The following ADAMTSL3 variants were observed in gnomAD, a reference collection of about 807,000 sequenced individuals.
ADAMTSL3 encodes ADAMTS like 3, also known as ADAMTS-like protein 3.
ADAMTSL3 carries 128 observed loss-of-function variants against 201.7 expected under a neutral mutation model. The ratio of observed to expected loss-of-function variants is 0.63; its 90% confidence interval spans 0.55 to 0.73. The LOEUF is 0.73. ADAMTSL3 is among the 30% of genes least tolerant of loss of function. ADAMTSL3 has a pLI of 0.00. For synonymous variants in ADAMTSL3, 738 were observed against 748.4 expected, an observed-to-expected ratio of 0.99 and a Z score of 0.23; for missense variants, 1,990 against 2,119.6, an observed-to-expected ratio of 0.94 and a Z score of 1.20.
At position 83,892,809 on chromosome 15, in the gene ADAMTSL3, T is replaced by C. The variant is rs1447305581; in HGVS notation, c.1388T>C (p.Met463Thr). ...TTGCAGGTGGAAGAATGGAAGTGCA[T>C]GTACGCACCCAAACCCAAGGTTATG... ...EILQVEEWKC[M>T]YAPKPKVMQT... Residue 463 changes from methionine to threonine, a missense_variant, in exon 13 of 30, where the codon ATG (methionine) becomes ACG (threonine). Met to Thr is a moderately conservative substitution (Grantham distance 81, BLOSUM62 -1). Transcript: ENST00000286744. 2.5e-6 allele frequency: 4 copies of C among 1,614,018 alleles called. No individual in the cohort carries two copies. Among genetic ancestry groups the C allele is most frequent in the African/African-American group, 1.3e-5 (1 of 74,926 alleles).
At chr15:83,723,922 GTTAA>G (rs1040743379) in intron 3 of ADAMTSL3, among the ~76,000 whole-genome samples, 14 of 152,036 alleles carry the variant, frequency 9.2e-5, no homozygotes, top group Non-Finnish European at 1.8e-4. Context: ...ATTAACAGTA[GTTAA>G]TTAACAATTA....
intron 3 of ADAMTSL3, among the ~76,000 whole-genome samples, chr15:83,728,167 G>C (rs574828894): frequency 2.0e-5 from 3 of 151,374 alleles, no homozygotes; most frequent in African/African-American, 7.3e-5. Context: ...TTTTGTTTAC[G>C]TACAGCTACC....
chr15:83,849,914 A>G (rs2064575117), intron 7 of ADAMTSL3, among the ~76,000 whole-genome samples: 2 of 152,244 alleles, frequency 1.3e-5, no homozygotes, highest in African/African-American at 4.8e-5. Context: ...TGAAATCAGT[A>G]AAACTTCTGA....
chr15:83,818,915 G>A (rs1030734763), intron 5 of ADAMTSL3, among the ~76,000 whole-genome samples: 2 of 152,168 alleles, frequency 1.3e-5, no homozygotes, highest in Non-Finnish European at 2.9e-5. Flanking sequence ...CCAGTTGAAG[G>A]CAGGTACTTG....
At chr15:83,868,164 A>G (rs1198015202) in intron 8 of ADAMTSL3, among the ~76,000 whole-genome samples, 1 of 152,056 alleles carries the variant, frequency 6.6e-6, no homozygotes, top group African/African-American at 2.4e-5. Flanking sequence ...TCGCCTACAC[A>G]CTAACCACCT....
chr15:83,908,489 A>G (rs2065879222), intron 15 of ADAMTSL3, among the ~76,000 whole-genome samples: 1 of 152,180 alleles, frequency 6.6e-6, no homozygotes, highest in Non-Finnish European at 1.5e-5. Context: ...AGGTAATATT[A>G]TTGTTCTTAT....
chr15:83,975,530 C>T (rs1019315021), intron 20 of ADAMTSL3, among the ~76,000 whole-genome samples: 9 of 152,180 alleles, frequency 5.9e-5, no homozygotes, highest in African/African-American at 1.9e-4. Flanking sequence ...CCAGGACGTA[C>T]GTGTTACTTT....
At chr15:83,811,127 G>A (rs1022411921) in intron 5 of ADAMTSL3, among the ~76,000 whole-genome samples, 41 of 152,062 alleles carry the variant, frequency 2.7e-4, no homozygotes, top group Admixed American at 1.3e-3. Flanking sequence ...TCTCCGTCTC[G>A]AGGTCTCTAA....
chr15:84,037,804 T>C lies in ADAMTSL3; in HGVS notation c.5074T>C (p.Ter1692GlnextTer10), dbSNP rs760595924. 6.2e-7 allele frequency: 1 copy of C among 1,612,332 alleles called. No homozygotes were observed. Among genetic ancestry groups the C allele is most frequent in the African/African-American group, 1.3e-5 (1 of 74,758 alleles). Residue 1692 changes from the stop codon to glutamine (Q), a stop_lost, in exon 30 of 30, where the codon TAA becomes CAA. Transcript: ENST00000286744. ...QRCCQSCQEG[*>Q] Reference sequence around the variant, plus strand: ...GTGCTGCCAGTCATGTCAAGAGGGATAAACCTTTGGAGGGGTCATGATGCT... The same window carrying C: ...GTGCTGCCAGTCATGTCAAGAGGGACAAACCTTTGGAGGGGTCATGATGCT...
chr15:83,665,454 G>A (rs556811556), intron 2 of ADAMTSL3, among the ~76,000 whole-genome samples: 35 of 152,236 alleles, frequency 2.3e-4, no homozygotes, highest in Non-Finnish European at 4.4e-4. Context: ...AGTGTATTCC[G>A]TATATTCATA....
At position 83,950,493 on chromosome 15, in the gene ADAMTSL3, C is replaced by G. The variant is rs117901193; in HGVS notation, c.2490+7411C>G. Among the ~76,000 whole-genome samples the G allele has an allele frequency of 1.0e-3, 153 of 152,008 alleles. 1 individual carries two copies. The East Asian group carries it at 0.022, about 22-fold the overall frequency. The stretch of plus-strand genomic sequence containing the variant: ...CAGGATAGCTTGGGCTATTCTGGGT[C>G]TTTTGTTGTTCTTTATAAATTTTAG... On this transcript the variant is annotated intron_variant, in intron 19 of 29. Coordinates refer to ENST00000286744, the MANE Select transcript of ADAMTSL3 (RefSeq NM_207517.3).
rs2065774864 is a variant in ADAMTSL3, at chr15:83,903,853, G to C, written c.1700+4122G>C. Among the ~76,000 whole-genome samples the C allele has an allele frequency of 2.1e-5, 3 of 144,442 alleles. No homozygotes were observed. In the South Asian group the frequency reaches 7.0e-4, roughly 34 times the overall value. The allele number at this position is 144,442 out of a possible 152,430, so 94.8% of individuals were successfully genotyped here. On this transcript the variant is annotated intron_variant, in intron 15 of 29. Transcript: ENST00000286744. ...AAATTGCTTCATCTCGGGAGGCAGAGGTTGCAGTGAGCTGAGATCCTGCTA... is the reference window on the plus strand; with the variant it reads ...AAATTGCTTCATCTCGGGAGGCAGACGTTGCAGTGAGCTGAGATCCTGCTA...
chr15:83,657,392 G>T (rs889250903), intron 2 of ADAMTSL3, among the ~76,000 whole-genome samples: 3 of 152,176 alleles, frequency 2.0e-5, no homozygotes, highest in Non-Finnish European at 4.4e-5. Flanking sequence ...CAGGCAGTGT[G>T]CATAGAAGGT....
intron 2 of ADAMTSL3, among the ~76,000 whole-genome samples, chr15:83,701,475 T>C (rs74024546): frequency 1.0e-3 from 156 of 152,286 alleles, no homozygotes; most frequent in African/African-American, 3.7e-3. Flanking sequence ...TGCCAGGTAA[T>C]ATGGTTTGAT....
In ADAMTSL3 at chr15:83,775,343, CT is replaced by C. The variant is rs200018009; in HGVS notation, c.317+1705del. On this transcript the variant is annotated intron_variant, in intron 4 of 29. Coordinates refer to ENST00000286744, the MANE Select transcript of ADAMTSL3 (RefSeq NM_207517.3). ...AGGTGTGGGATTTATTTGCATTGGT[CT>C]TTTTTTTTTTTCTAGTACGTACTTG... Among the ~76,000 whole-genome samples, 499 of 142,642 alleles carry C rather than the reference CT, an allele frequency of 3.5e-3. 1 individual carries two copies. The highest frequency in any genetic ancestry group is 0.024 in the East Asian group (119 of 4,920). 93.6% of individuals were successfully genotyped at this position (142,642 alleles called of 152,430 possible).
intron 7 of ADAMTSL3, among the ~76,000 whole-genome samples, chr15:83,841,703 C>T (rs562716997): frequency 1.4e-4 from 22 of 152,164 alleles, no homozygotes; most frequent in Non-Finnish European, 1.9e-4. Context: ...GCTAGGGCTC[C>T]GCCCTTGGGC....
intron 19 of ADAMTSL3, among the ~76,000 whole-genome samples, chr15:83,950,161 C>A (rs1024395210): frequency 6.6e-6 from 1 of 152,040 alleles, no homozygotes; most frequent in Non-Finnish European, 1.5e-5. Context: ...AGGCTTTAAT[C>A]CATTTTGATT....
intron 23 of ADAMTSL3, among the ~76,000 whole-genome samples, chr15:83,994,320 A>G (rs1000157505): frequency 1.3e-5 from 2 of 152,308 alleles, no homozygotes; most frequent in African/African-American, 2.4e-5. Context: ...AAATTCTACA[A>G]CTGTGGATGG....
intron 2 of ADAMTSL3, among the ~76,000 whole-genome samples, chr15:83,677,182 G>A (rs1296991415): frequency 4.0e-5 from 6 of 151,806 alleles, no homozygotes; most frequent in Non-Finnish European, 7.4e-5. Context: ...AGTTTGTTTT[G>A]TGTCCAATAA....
Sources: gnomAD v4.1 joint callset for allele counts (sites outside exome capture counted in the v4.1 genomes callset) on GRCh38, gnomAD v4.1.1 for gene constraint, MANE v1.5 for transcripts, NCBI Gene and HGNC (gene_info 2026-07-23, HGNC 2026-07-21) for gene names.